The following KIAA1217 variants were observed in gnomAD, a reference collection of about 807,000 sequenced individuals.
KIAA1217 encodes KIAA1217.
KIAA1217 carries 88 observed loss-of-function variants against 163.9 expected under a neutral mutation model. The ratio of observed to expected loss-of-function variants is 0.54; its 90% CI spans 0.45 to 0.64. The LOEUF is 0.64. Among genes scored for constraint, KIAA1217 ranks in the 30% least tolerant of loss-of-function variants. The probability of loss-of-function intolerance (pLI) is 0.00; values close to 1 mark genes in which losing one functional copy is unlikely to be tolerated. For synonymous variants in KIAA1217, 903 were observed against 923.1 expected (o/e 0.98, Z 0.39); for missense variants, 2,372 against 2,475.0 (o/e 0.96, Z 0.88).
intron 1 of KIAA1217, among the ~76,000 whole-genome samples, chr10:23,945,432 G>A (rs551534901): frequency 6.6e-6 from 1 of 152,298 alleles, no homozygotes; most frequent in Non-Finnish European, 1.5e-5. Flanking sequence ...AATTTATGGT[G>A]ATAGAAATCA....
intron 2 of KIAA1217, among the ~76,000 whole-genome samples, chr10:24,089,512 G>A (rs113547230): frequency 0.27 from 20,698 of 77,850 alleles, 5,545 homozygotes; most frequent in African/African-American, 0.43. Context: ...CTTTCTACAT[G>A]TGGCTAGCCA....
At chr10:24,411,013 C>T (rs891485205) in intron 3 of KIAA1217, among the ~76,000 whole-genome samples, 6 of 152,230 alleles carry the variant, frequency 3.9e-5, no homozygotes, top group Admixed American at 2.6e-4. Flanking sequence ...CTCAATTCAC[C>T]GTGTAAGAGA....
intron 2 of KIAA1217, among the ~76,000 whole-genome samples, chr10:24,028,140 C>T (rs1203024965): frequency 1.3e-5 from 2 of 151,926 alleles, no homozygotes; most frequent in Admixed American, 1.3e-4. Context: ...ACAAACAAAA[C>T]ATATTAAGAA....
intron 17 of KIAA1217, among the ~76,000 whole-genome samples, chr10:24,541,557 C>A (rs1008316910): frequency 1.1e-4 from 16 of 152,130 alleles, no homozygotes; most frequent in African/African-American, 2.2e-4. Context: ...AACCAAGCAG[C>A]CTTCATGGGA....
intron 1 of KIAA1217, among the ~76,000 whole-genome samples, chr10:24,005,396 T>C (rs1846948335): frequency 6.6e-6 from 1 of 152,206 alleles, no homozygotes; most frequent in Non-Finnish European, 1.5e-5. Flanking sequence ...AGGCAATTGA[T>C]TACTATTACC....
intron 5 of KIAA1217, among the ~76,000 whole-genome samples, chr10:24,463,137 G>A (rs1347559329): frequency 6.6e-6 from 1 of 152,202 alleles, no homozygotes; most frequent in African/African-American, 2.4e-5. Flanking sequence ...CCCAGCAGAA[G>A]ATTGAGTGTC....
At chr10:24,195,457 C>A (rs1239750295) in intron 2 of KIAA1217, among the ~76,000 whole-genome samples, 1 of 152,020 alleles carries the variant, frequency 6.6e-6, no homozygotes, top group African/African-American at 2.4e-5. Flanking sequence ...CTTTTGTGGA[C>A]GAGGCAGCCA....
intron 1 of KIAA1217, among the ~76,000 whole-genome samples, chr10:24,000,555 A>T (rs1036318434): frequency 6.6e-6 from 1 of 152,220 alleles, no homozygotes; most frequent in African/African-American, 2.4e-5. Context: ...GCAGTATGAG[A>T]ACAGACTAAT....
intron 1 of KIAA1217, among the ~76,000 whole-genome samples, chr10:23,816,531 G>A (rs564632383): frequency 4.9e-4 from 75 of 152,226 alleles, no homozygotes; most frequent in African/African-American, 1.7e-3. Context: ...GGCCGGGTGC[G>A]GTGGCTCATG....
rs1433130028 is a variant in KIAA1217, at chr10:24,219,812, T to C, written c.257T>C (p.Met86Thr). 6.2e-7 allele frequency: 1 copy of C among 1,613,806 alleles called. No homozygotes were observed. Among genetic ancestry groups the C allele is most frequent in the African/African-American group, 1.3e-5 (1 of 74,892 alleles). Residue 86 changes from methionine (M) to threonine (T), a missense_variant, in exon 2 of 21, where the codon ATG (methionine) becomes ACG (threonine). Met to Thr is a moderately conservative substitution (Grantham distance 81, BLOSUM62 -1). Transcript: ENST00000376454. ...ATACTGGGAATGCAAACATCTGAGA[T>C]GGATCGGAAGAGAGAAGCGTTCCTA... ...KEILGMQTSE[M>T]DRKREAFLEH...
intron 16 of KIAA1217, among the ~76,000 whole-genome samples, chr10:24,535,766 G>A (rs959942834): frequency 6.6e-6 from 1 of 150,804 alleles, no homozygotes; most frequent in African/African-American, 2.4e-5. Flanking sequence ...GACAGGGAGA[G>A]ACTCTGCCTC....
At chr10:23,991,892 G>T (rs1323414168) in intron 1 of KIAA1217, among the ~76,000 whole-genome samples, 1 of 152,122 alleles carries the variant, frequency 6.6e-6, no homozygotes, top group Non-Finnish European at 1.5e-5. Flanking sequence ...AGGAGAACTT[G>T]ACTACTAGGC....
chr10:24,454,620 G>A (rs11597978), intron 5 of KIAA1217, among the ~76,000 whole-genome samples: 1 of 152,130 alleles, frequency 6.6e-6, no homozygotes, highest in African/African-American at 2.4e-5. Context: ...CTAAAGCATA[G>A]GACTGGTGGT....
At chr10:23,929,705 T>A (rs1843175824) in intron 1 of KIAA1217, among the ~76,000 whole-genome samples, 1 of 152,214 alleles carries the variant, frequency 6.6e-6, no homozygotes, top group Non-Finnish European at 1.5e-5. Flanking sequence ...CAATCCACAG[T>A]GGATGGGCAC....
At chr10:24,105,431 A>G (rs958103138) in intron 2 of KIAA1217, among the ~76,000 whole-genome samples, 28 of 152,310 alleles carry the variant, frequency 1.8e-4, no homozygotes, top group Non-Finnish European at 8.8e-5. Flanking sequence ...CAGCTTTTTA[A>G]TGTCCCTCAT....
intron 1 of KIAA1217, among the ~76,000 whole-genome samples, chr10:23,853,651 T>C (rs1300962231): frequency 6.6e-6 from 1 of 152,196 alleles, no homozygotes; most frequent in Non-Finnish European, 1.5e-5. Context: ...TCCTGGACTC[T>C]TTTTAGTTGG....
chr10:23,717,977 C>T (rs1412929555), intron 1 of KIAA1217, among the ~76,000 whole-genome samples: 3 of 152,098 alleles, frequency 2.0e-5, no homozygotes, highest in Non-Finnish European at 4.4e-5. Context: ...ATAGCAATTA[C>T]ATAATTTTCT....
chr10:24,137,981 T>A lies in KIAA1217; in HGVS notation c.-170-81645T>A, dbSNP rs547286537. ...TTTAACTTATTTTAAAATATAAAAA[T>A]AATGTATTTTTAATGTAGATTTGAA... On this transcript the variant is annotated intron_variant, in intron 2 of 18. Transcript: ENST00000376462. Among the ~76,000 whole-genome samples the A allele has an allele frequency of 5.6e-4, 83 of 149,478 alleles. 1 individual carries two copies. Among genetic ancestry groups the A allele is most frequent in the African/African-American group, 2.1e-3 (81 of 38,952 alleles).
At chr10:24,366,443 T>C (rs1047757407) in intron 2 of KIAA1217, among the ~76,000 whole-genome samples, 1 of 151,932 alleles carries the variant, frequency 6.6e-6, no homozygotes, top group South Asian at 2.1e-4. Context: ...AGATTCTGTG[T>C]CAAAAACTAA....
Sources: allele counts gnomAD v4.1 joint callset (sites outside exome capture counted in the v4.1 genomes callset), GRCh38; gene constraint gnomAD v4.1.1; transcripts MANE v1.5; gene names NCBI Gene and HGNC (gene_info 2026-07-23, HGNC 2026-07-21).